TENM3: variants seen among roughly 807,000 people sequenced by gnomAD.
TENM3 encodes teneurin-3.
A neutral mutation model predicts 255.1 loss-of-function variants in TENM3; 63 were observed. That is an observed-to-expected ratio of 0.25 (90% CI 0.20 to 0.30). TENM3 has a LOEUF of 0.30. Ranked by LOEUF, TENM3 falls within the 10% of genes least tolerant of loss-of-function variation. The probability of loss-of-function intolerance (pLI) is 1.00; values close to 1 mark genes in which losing one functional copy is unlikely to be tolerated. For synonymous variants in TENM3, 1,306 were observed against 1,322.3 expected (o/e 0.99, Z 0.27); for missense variants, 2,929 against 3,461.1 (o/e 0.85, Z 3.86).
At chr4:182,785,111 G>A (rs1765536392) in intron 24 of TENM3, among the ~76,000 whole-genome samples, 1 of 152,044 alleles carries the variant, frequency 6.6e-6, no homozygotes, top group Non-Finnish European at 1.5e-5. Flanking sequence ...GGGTCTTGCT[G>A]GGACGCCCAG....
the TENM3 span, among the ~76,000 whole-genome samples, chr4:182,018,615 G>A: frequency 1.1e-4 from 17 of 152,160 alleles, no homozygotes; most frequent in African/African-American, 2.4e-4. Context: ...ATCTTCCATC[G>A]TATTGTTGGG....
At chr4:181,767,155 G>A in the TENM3 span, among the ~76,000 whole-genome samples, 1 of 148,868 alleles carries the variant, frequency 6.7e-6, no homozygotes, top group Non-Finnish European at 1.5e-5. Flanking sequence ...GGGAGGCTGA[G>A]GCAGGAGAAT....
At chr4:182,257,764 C>T (rs1286259484) in intron 1 of TENM3, among the ~76,000 whole-genome samples, 1 of 152,002 alleles carries the variant, frequency 6.6e-6, no homozygotes, top group African/African-American at 2.4e-5. Flanking sequence ...AGAGAAATGT[C>T]GATTCAGAGA....
At chr4:182,515,053 T>C (rs1437041474) in intron 3 of TENM3, among the ~76,000 whole-genome samples, 1 of 152,192 alleles carries the variant, frequency 6.6e-6, no homozygotes, top group East Asian at 1.9e-4. Context: ...GCACAATAAT[T>C]TTTTATCCAG....
the TENM3 span, among the ~76,000 whole-genome samples, chr4:182,066,477 CA>C: frequency 6.6e-6 from 1 of 151,936 alleles, no homozygotes; most frequent in Non-Finnish European, 1.5e-5. Flanking sequence ...TGGCTTTAAT[CA>C]AGTCCATTAG....
the TENM3 span, among the ~76,000 whole-genome samples, chr4:181,711,819 C>T: frequency 2.0e-5 from 3 of 152,238 alleles, no homozygotes; most frequent in South Asian, 2.1e-4. Flanking sequence ...TTCCAATCTC[C>T]GTGCCTTTGT....
chr4:181,512,444 T>C, the TENM3 span, among the ~76,000 whole-genome samples: 5 of 152,332 alleles, frequency 3.3e-5, no homozygotes, highest in African/African-American at 1.2e-4. Flanking sequence ...GAGTGTGGAA[T>C]TGACGTATCT....
chr4:182,788,816 C>G (rs1180838111), intron 24 of TENM3, among the ~76,000 whole-genome samples: 1 of 152,162 alleles, frequency 6.6e-6, no homozygotes, highest in Non-Finnish European at 1.5e-5. Flanking sequence ...CCTGAACAAA[C>G]TTTAAGACAC....
At chr4:182,144,252 G>C (rs1749714294), upstream of TENM3, 1 of 150,396 alleles carries the variant, frequency 6.6e-6, no homozygotes, top group East Asian at 2.0e-4. Flanking sequence ...GCCCGGGCTC[G>C]GGCACACTCG....
intron 3 of TENM3, among the ~76,000 whole-genome samples, chr4:182,553,351 AG>A (rs752117912): frequency 9.2e-5 from 12 of 130,398 alleles, no homozygotes; most frequent in Non-Finnish European, 1.7e-4. Flanking sequence ...GGACACAGGA[AG>A]GGGGACATCA....
the TENM3 span, among the ~76,000 whole-genome samples, chr4:181,804,677 T>G: frequency 2.6e-5 from 4 of 152,078 alleles, no homozygotes; most frequent in Non-Finnish European, 1.5e-5. Flanking sequence ...CACAATGAAT[T>G]AAAAAGACCA....
At chr4:181,631,326 G>A in the TENM3 span, among the ~76,000 whole-genome samples, 1 of 150,596 alleles carries the variant, frequency 6.6e-6, no homozygotes, top group South Asian at 2.1e-4. Flanking sequence ...TTTCTCTTTT[G>A]TTGCCCAGGC....
chr4:181,990,899 A>T, the TENM3 span, among the ~76,000 whole-genome samples: 1 of 152,164 alleles, frequency 6.6e-6, no homozygotes, highest in South Asian at 2.1e-4. Flanking sequence ...CAGATTCACA[A>T]AATACTTACT....
At chr4:182,404,998 G>A (rs919962707) in intron 3 of TENM3, among the ~76,000 whole-genome samples, 4 of 152,206 alleles carry the variant, frequency 2.6e-5, no homozygotes, top group African/African-American at 9.6e-5. Context: ...AGGTGGCTGA[G>A]AATGGCTGCT....
At chr4:182,310,325 A>G (rs886684870) in intron 1 of TENM3, among the ~76,000 whole-genome samples, 1 of 152,112 alleles carries the variant, frequency 6.6e-6, no homozygotes, top group African/African-American at 2.4e-5. Context: ...CCTCCCAAGT[A>G]GCTTGGATTA....
chr4:182,526,758 C>A (rs1739230629), intron 3 of TENM3, among the ~76,000 whole-genome samples: 1 of 152,196 alleles, frequency 6.6e-6, no homozygotes, highest in Admixed American at 6.5e-5. Context: ...ATTTTACTTG[C>A]TAACGGATTT....
chr4:181,620,671 A>G, the TENM3 span, among the ~76,000 whole-genome samples: 1 of 151,944 alleles, frequency 6.6e-6, no homozygotes, highest in Non-Finnish European at 1.5e-5. Flanking sequence ...TTAAAAAAAA[A>G]AAAAAAGAAA....
the TENM3 span, among the ~76,000 whole-genome samples, chr4:181,611,940 C>A: frequency 1.3e-5 from 2 of 152,206 alleles, no homozygotes; most frequent in African/African-American, 2.4e-5. Flanking sequence ...GCCATCAGAT[C>A]CCATACATAA....
intron 3 of TENM3, among the ~76,000 whole-genome samples, chr4:182,456,829 G>C (rs778324573): frequency 6.6e-6 from 1 of 152,120 alleles, no homozygotes; most frequent in Non-Finnish European, 1.5e-5. Flanking sequence ...AGTACTAGAA[G>C]AAGAGGAAAA....
Sources: allele counts gnomAD v4.1 joint callset (sites outside exome capture counted in the v4.1 genomes callset), GRCh38; gene constraint gnomAD v4.1.1; transcripts MANE v1.5; gene names NCBI Gene and HGNC (gene_info 2026-07-23, HGNC 2026-07-21).